Variants in RBM38 observed in about 807,000 individuals in gnomAD.
RBM38 encodes RNA-binding protein 38.
RBM38 carries 11 observed loss-of-function variants against 23.5 expected under a neutral mutation model. That is an observed-to-expected ratio of 0.47 (90% CI 0.29 to 0.77). The LOEUF (loss-of-function observed/expected upper bound fraction) is 0.77. Ranked by LOEUF, RBM38 falls within the 30% of genes least tolerant of loss-of-function variation. RBM38 has a pLI of 0.08. For missense variants in RBM38, 330 were observed against 351.9 expected, an observed-to-expected ratio of 0.94 and a Z score of 0.50; for synonymous variants, 165 against 166.1, an observed-to-expected ratio of 0.99 and a Z score of 0.05.
chr20:57,396,882 T>G (rs2067280191), intron 3 of RBM38, among the ~76,000 whole-genome samples: 1 of 152,178 alleles, frequency 6.6e-6, no homozygotes, highest in Non-Finnish European at 1.5e-5. Flanking sequence ...TAAGGGCCAG[T>G]ACGAACTGCC....
chr20:57,392,545 G>A (rs2146200015), intron 1 of RBM38, 109 bp from the exon 2 acceptor site: 1 of 1,517,504 alleles, frequency 6.6e-7, no homozygotes, highest in East Asian at 2.5e-5. Context: ...GGCACCCTCA[G>A]AGGAAGGGAA....
At chr20:57,393,028 G>A (rs1479104662) in intron 2 of RBM38, 3 of 656,850 alleles carry the variant, frequency 4.6e-6, no homozygotes, top group Admixed American at 5.8e-5. Flanking sequence ...CTCGCAGGAG[G>A]GAGGAAGTGG....
chr20:57,392,257 T>G (rs1039003325), intron 1 of RBM38: 1 of 419,518 alleles, frequency 2.4e-6, no homozygotes, highest in Non-Finnish European at 4.3e-6. Context: ...TAAAAACGTC[T>G]TGAAGACACT....
At chr20:57,404,131 A>G (rs2067357156) in intron 3 of RBM38, among the ~76,000 whole-genome samples, 1 of 152,166 alleles carries the variant, frequency 6.6e-6, no homozygotes, top group African/African-American at 2.4e-5. Flanking sequence ...GGCCCCGATG[A>G]TGTGGGGCAT....
chr20:57,407,982 G>A lies in RBM38; in HGVS notation c.*136G>A, dbSNP rs959862858. 45 of 1,103,256 alleles carry A rather than the reference G, an allele frequency of 4.1e-5. No homozygotes were observed. Among genetic ancestry groups the A allele is most frequent in the Non-Finnish European group, 5.3e-5 (42 of 788,792 alleles). 68.3% of individuals were successfully genotyped at this position (1,103,256 alleles called of 1,614,324 possible). ...GCACCCGTGCCTCCGAAGACCGCTC[G>A]GGCATTCCGCCTGCGCCCTGGGACA... On this transcript the variant is annotated 3_prime_UTR_variant, in exon 4 of 4. Coordinates refer to ENST00000356208, the MANE Select transcript of RBM38 (RefSeq NM_017495.6). This position sits in a 1 kb window ranked among gnomAD's most constrained non-coding sequence, Gnocchi z 4.0.
At chr20:57,395,137 T>C (rs1395325348) in intron 3 of RBM38, among the ~76,000 whole-genome samples, 2 of 152,226 alleles carry the variant, frequency 1.3e-5, no homozygotes, top group East Asian at 1.9e-4. Flanking sequence ...CCTGTCCTCA[T>C]AGCAGGCCTC....
rs774815992 is a variant in RBM38 at position 57,407,556 on chromosome 20, T to C, written c.430T>C (p.Tyr144His). The change falls in exon 4 of 4, where the codon TAC (tyrosine) becomes CAC (histidine). Residue 144 changes from tyrosine (Y) to histidine (H), a missense_variant. By Grantham distance (83) the Tyr-to-His change is moderately conservative. Around this residue, in one of 3 missense-constraint regions of RBM38, gnomAD observed 227 missense variants for 216.4 expected, o/e 1.05. Coordinates refer to ENST00000356208, the MANE Select transcript of RBM38 (RefSeq NM_017495.6). This position sits in a 1 kb window ranked among gnomAD's most constrained non-coding sequence, Gnocchi z 4.0. Reference protein sequence around the residue: ...IQRTYGLTPHYIYPPAIVQPS... With the variant: ...IQRTYGLTPHHIYPPAIVQPS... ...TTGGCCCCACAGGCTGACCCCGCAC[T>C]ACATCTACCCACCAGCCATCGTGCA... 1.2e-6 allele frequency: 2 copies of C among 1,613,634 alleles called. No homozygotes were observed. The highest frequency in any genetic ancestry group is 1.1e-5 in the South Asian group (1 of 91,042).
At chr20:57,392,024 A>ACC (rs1600741320) in intron 1 of RBM38, among the ~76,000 whole-genome samples, 1 of 10,536 alleles carries the variant, frequency 9.5e-5, no homozygotes. Context: ...CCCCACCCCC[A>ACC]CCCCCACCCC....
rs1335563277 is a variant in RBM38, at chr20:57,407,870, G to A, written c.*24G>A. On this transcript the variant is annotated 3_prime_UTR_variant, in exon 4 of 4. Coordinates refer to ENST00000356208, the MANE Select transcript of RBM38 (RefSeq NM_017495.6). This position sits in a 1 kb window ranked among gnomAD's most constrained non-coding sequence, Gnocchi z 4.0. The stretch of plus-strand genomic sequence containing the variant: ...GAGGGGCGTTCCTGCCCCGAGGACT[G>A]TGGCATTGTCACCTTCACAGCAGAC... The A allele has an allele frequency of 1.3e-6, 2 of 1,530,484 alleles. No individual in the cohort carries two copies. Among genetic ancestry groups the A allele is most frequent in the East Asian group, 2.4e-5 (1 of 40,830 alleles). The allele number at this position is 1,530,484 out of a possible 1,614,324, so 94.8% of individuals were successfully genotyped here. A position where few individuals can be genotyped will look rare whatever the true frequency, so the allele number is the denominator to read the frequency against.
rs148029192 is a variant in RBM38 at position 57,392,946 on chromosome 20, C to T, written c.361+169C>T. ...ATCCCCCCCTCGAGGATCTAGACCC[C>T]TTCTCACAGCGTGTGGCCCAAAGAA... On this transcript the variant is annotated intron_variant, in intron 2 of 3. Coordinates refer to ENST00000356208, the MANE Select transcript of RBM38 (RefSeq NM_017495.6). 1.1e-3 allele frequency: 994 copies of T among 914,812 alleles called. 16 individuals carry two copies. In the East Asian group the frequency reaches 0.024, roughly 22 times the overall value. 56.7% of individuals were successfully genotyped at this position (914,812 alleles called of 1,614,324 possible).
rs1202018396 is a variant in RBM38 at position 57,408,983 on chromosome 20, C to T, written c.*1137C>T. 6.5e-6 allele frequency: 1 copy of T among 152,744 alleles called. No individual in the cohort carries two copies. Among genetic ancestry groups the T allele is most frequent in the Non-Finnish European group, 1.5e-5 (1 of 68,106 alleles). The allele number at this position is 152,744 out of a possible 1,614,324, so 9.5% of individuals were successfully genotyped here. A position where few individuals can be genotyped will look rare whatever the true frequency, so the allele number is the denominator to read the frequency against. On this transcript the variant is annotated 3_prime_UTR_variant, in exon 4 of 4. Coordinates refer to ENST00000356208, the MANE Select transcript of RBM38 (RefSeq NM_017495.6). ...TGAGTGCAGAAGGGTGCGCCTCTTC[C>T]CTCTACCCCCGCACCACCTGCTGTG...
intron 3 of RBM38, among the ~76,000 whole-genome samples, chr20:57,400,237 TGAG>T (rs2067313994): frequency 6.6e-6 from 1 of 152,154 alleles, no homozygotes; most frequent in African/African-American, 2.4e-5. Context: ...CTTGGACCCC[TGAG>T]TCTCTGTGGA....
chr20:57,393,041 A>G (rs761526491), intron 2 of RBM38: 3 of 647,590 alleles, frequency 4.6e-6, no homozygotes, highest in Non-Finnish European at 7.9e-6. Context: ...GGAAGTGGCC[A>G]TGGGGCCTGG....
At chr20:57,399,836 GCTGCGGTCCGTCT>G (rs756204537) in intron 3 of RBM38, 1 of 455,426 alleles carries the variant, frequency 2.2e-6, no homozygotes, top group African/African-American at 2.0e-5. Flanking sequence ...AACCCTAAGA[GCTGCGGTCCGTCT>G]CTGCCGAGGT....
chr20:57,400,821 T>G (rs1248352519), intron 3 of RBM38, among the ~76,000 whole-genome samples: 1 of 152,174 alleles, frequency 6.6e-6, no homozygotes, highest in Non-Finnish European at 1.5e-5. Flanking sequence ...CCGGTTGTTC[T>G]GAGGCCGGAA....
intron 3 of RBM38, among the ~76,000 whole-genome samples, chr20:57,394,883 T>C (rs1001824697): frequency 6.6e-6 from 1 of 152,160 alleles, no homozygotes; most frequent in East Asian, 1.9e-4. Flanking sequence ...CTGCTTACAG[T>C]GGGATAAGGC....
intron 3 of RBM38, among the ~76,000 whole-genome samples, chr20:57,404,843 T>C (rs932357456): frequency 1.7e-4 from 26 of 152,290 alleles, no homozygotes; most frequent in Admixed American, 1.7e-3. Flanking sequence ...CATTGGCAGG[T>C]GCCAGGCCCA....
chr20:57,405,261 C>T (rs972517016), intron 3 of RBM38, among the ~76,000 whole-genome samples: 4 of 152,236 alleles, frequency 2.6e-5, no homozygotes, highest in Non-Finnish European at 4.4e-5. Flanking sequence ...CTAAGCCCCT[C>T]GAGGGCAGGG....
intron 2 of RBM38, 136 bp downstream of exon 2, chr20:57,392,913 G>T: frequency 8.4e-7 from 1 of 1,196,340 alleles, no homozygotes; most frequent in Non-Finnish European, 1.2e-6. Flanking sequence ...AGCCGGCACA[G>T]GGCAGCCATC....
Sources: allele counts gnomAD v4.1 joint callset (sites outside exome capture counted in the v4.1 genomes callset), GRCh38; gene constraint gnomAD v4.1.1; regional missense constraint gnomAD v4.1.1; non-coding constraint Gnocchi (gnomAD v3.1); transcripts MANE v1.5; gene names NCBI Gene and HGNC (gene_info 2026-07-23, HGNC 2026-07-21).